Variants in RFX3 observed in about 807,000 individuals in gnomAD.
RFX3 encodes the protein regulatory factor X3, also known as transcription factor RFX3.
Under a neutral mutation model 98.6 loss-of-function variants are expected in RFX3, and 14 were observed. The ratio of observed to expected loss-of-function variants is 0.14; its 90% CI spans 0.09 to 0.22. RFX3 has a LOEUF of 0.22. RFX3 is among the 10% of genes least tolerant of loss of function. RFX3 has a pLI of 1.00. For missense variants in RFX3, 639 were observed against 926.9 expected, an observed-to-expected ratio of 0.69 and a Z score of 4.03; for synonymous variants, 383 against 328.4, an observed-to-expected ratio of 1.17 and a Z score of -1.80.
intron 11 of RFX3, among the ~76,000 whole-genome samples, chr9:3,269,500 C>T (rs866569489): frequency 1.3e-5 from 2 of 152,028 alleles, no homozygotes; most frequent in Non-Finnish European, 2.9e-5. Context: ...TAGTAACTGT[C>T]TCATTTCTTA....
rs141982984 is a variant in RFX3, at chr9:3,269,816, G to C, written c.1357+555C>G. On this transcript the variant is annotated intron_variant, in intron 11 of 16. Transcript: ENST00000617270. ...TTCCTAACATGATGTAGGTGACAAA[G>C]TAAATGCTTTTATAATGGAATTCAA... Among the ~76,000 whole-genome samples the C allele has an allele frequency of 4.4e-3, 673 of 152,224 alleles. 5 individuals carry two copies. Among genetic ancestry groups the C allele is most frequent in the Admixed American group, 6.5e-3 (99 of 15,250 alleles).
intron 1 of RFX3, among the ~76,000 whole-genome samples, chr9:3,525,403 G>T (rs973600157): frequency 4.6e-5 from 7 of 152,216 alleles, no homozygotes; most frequent in South Asian, 2.1e-4. Flanking sequence ...CTAAGGGAAA[G>T]ATCCAGCATC....
At chr9:3,424,063 C>A (rs1191017879) in intron 1 of RFX3, among the ~76,000 whole-genome samples, 1 of 150,742 alleles carries the variant, frequency 6.6e-6, no homozygotes, top group Non-Finnish European at 1.5e-5. Context: ...AGGAGAATGA[C>A]GTGAACCCGG....
intron 15 of RFX3, among the ~76,000 whole-genome samples, chr9:3,241,750 G>A (rs1323466711): frequency 3.3e-5 from 5 of 152,198 alleles, no homozygotes; most frequent in East Asian, 1.9e-4. Flanking sequence ...TGGGTGTACA[G>A]GAGCTGTAGG....
At chr9:3,249,936 C>T (rs1330812363) in intron 14 of RFX3, among the ~76,000 whole-genome samples, 4 of 151,904 alleles carry the variant, frequency 2.6e-5, no homozygotes, top group African/African-American at 9.7e-5. Context: ...AAGTTTACAG[C>T]TCTATAAATA....
chr9:3,402,374 A>T (rs563487464), intron 1 of RFX3, among the ~76,000 whole-genome samples: 1 of 152,284 alleles, frequency 6.6e-6, no homozygotes, highest in Admixed American at 6.5e-5. Context: ...TCCTTCCTTT[A>T]TCCTTAGCAT....
intron 1 of RFX3, among the ~76,000 whole-genome samples, chr9:3,472,032 C>CT (rs775506009): frequency 6.6e-6 from 1 of 152,056 alleles, no homozygotes; most frequent in African/African-American, 2.4e-5. Flanking sequence ...ACAGAAGGGT[C>CT]TTTTTTTGGA....
At chr9:3,304,280 G>C (rs1829018425) in intron 4 of RFX3, among the ~76,000 whole-genome samples, 1 of 151,888 alleles carries the variant, frequency 6.6e-6, no homozygotes, top group South Asian at 2.1e-4. Flanking sequence ...CCAATCTCAT[G>C]AAAGGATCAT....
intron 2 of RFX3, among the ~76,000 whole-genome samples, chr9:3,372,297 T>G (rs1004320638): frequency 6.6e-6 from 1 of 152,172 alleles, no homozygotes. Flanking sequence ...TAATACTGGC[T>G]CCCCAGATTT....
chr9:3,257,221 A>T (rs752116713), intron 13 of RFX3, 22 bp from the exon 14 acceptor site: 92 of 1,606,750 alleles, frequency 5.7e-5, no homozygotes, highest in Non-Finnish European at 7.3e-5. Context: ...ACACAGAAAG[A>T]AAAGGAAAAG....
intron 1 of RFX3, among the ~76,000 whole-genome samples, chr9:3,515,119 A>G (rs1026544781): frequency 2.6e-5 from 4 of 152,208 alleles, no homozygotes; most frequent in Non-Finnish European, 5.9e-5. Flanking sequence ...CCACAAAACC[A>G]TTTATCCAAA....
chr9:3,260,695 C>T (rs981061750), intron 13 of RFX3, among the ~76,000 whole-genome samples: 11 of 151,408 alleles, frequency 7.3e-5, no homozygotes, highest in Non-Finnish European at 4.4e-5. Context: ...AATACTCTTG[C>T]TTATTCAGTT....
intron 12 of RFX3, among the ~76,000 whole-genome samples, chr9:3,263,560 G>C (rs1026628382): frequency 6.6e-6 from 1 of 152,166 alleles, no homozygotes; most frequent in African/African-American, 2.4e-5. Flanking sequence ...ATGCATGTGA[G>C]AGCATTACCA....
At chr9:3,413,937 A>T (rs1267251236) in intron 1 of RFX3, among the ~76,000 whole-genome samples, 1 of 152,110 alleles carries the variant, frequency 6.6e-6, no homozygotes, top group African/African-American at 2.4e-5. Context: ...AAATTCTCCC[A>T]ATAAATCAAG....
At chr9:3,478,298 T>TA (rs1554721086) in intron 1 of RFX3, among the ~76,000 whole-genome samples, 1 of 152,162 alleles carries the variant, frequency 6.6e-6, no homozygotes, top group Non-Finnish European at 1.5e-5. Flanking sequence ...CTAAATTTTT[T>TA]AATCATCAGT....
At chr9:3,326,367 G>C (rs1053177417) in intron 4 of RFX3, among the ~76,000 whole-genome samples, 1 of 152,096 alleles carries the variant, frequency 6.6e-6, no homozygotes, top group South Asian at 2.1e-4. Flanking sequence ...ATTTGTGCAG[G>C]ATGGGCAGGT....
At chr9:3,258,716 AT>A (rs1399930025) in intron 13 of RFX3, among the ~76,000 whole-genome samples, 1 of 152,034 alleles carries the variant, frequency 6.6e-6, no homozygotes, top group Non-Finnish European at 1.5e-5. Flanking sequence ...AATACTTAAA[AT>A]GGCAACAGTA....
At chr9:3,468,096 C>A (rs1848472019) in intron 1 of RFX3, among the ~76,000 whole-genome samples, 1 of 152,130 alleles carries the variant, frequency 6.6e-6, no homozygotes, top group South Asian at 2.1e-4. Flanking sequence ...GTTTTACAGA[C>A]ATGTGAAAAT....
At chr9:3,354,422 G>A (rs1377195731) in intron 2 of RFX3, among the ~76,000 whole-genome samples, 1 of 151,574 alleles carries the variant, frequency 6.6e-6, no homozygotes, top group African/African-American at 2.4e-5. Flanking sequence ...TTAAACCAAA[G>A]TGCATTATAA....
Sources: allele counts gnomAD v4.1 joint callset (sites outside exome capture counted in the v4.1 genomes callset), GRCh38; gene constraint gnomAD v4.1.1; transcripts MANE v1.5; gene names NCBI Gene and HGNC (gene_info 2026-07-23, HGNC 2026-07-21).